PRKCQ: variants seen among roughly 807,000 people sequenced by gnomAD.
PRKCQ encodes protein kinase C theta type.
A neutral mutation model predicts 91.2 loss-of-function variants in PRKCQ; 41 were observed. The ratio of observed to expected loss-of-function variants is 0.45; its 90% CI spans 0.35 to 0.58. The LOEUF (loss-of-function observed/expected upper bound fraction) is 0.58. Ranked by LOEUF, PRKCQ falls within the 20% of genes least tolerant of loss-of-function variation. The pLI, the probability that PRKCQ is intolerant of heterozygous loss-of-function variation, is 0.00. For missense variants in PRKCQ, 673 were observed against 896.5 expected, an observed-to-expected ratio of 0.75 and a Z score of 3.18; for synonymous variants, 307 against 316.9, an observed-to-expected ratio of 0.97 and a Z score of 0.33.
intron 16 of PRKCQ, among the ~76,000 whole-genome samples, chr10:6,432,573 G>A (rs140156472): frequency 3.9e-5 from 6 of 152,228 alleles, no homozygotes; most frequent in East Asian, 3.9e-4. Context: ...GCCACTGCAC[G>A]GTGGAAATAA....
At chr10:6,467,351 GAGAGAC>G (rs1564324143) in intron 12 of PRKCQ, among the ~76,000 whole-genome samples, 81 of 130,424 alleles carry the variant, frequency 6.2e-4, no homozygotes, top group Non-Finnish European at 1.1e-3. Context: ...GAGAGAGAGA[GAGAGAC>G]AGAGAGAGAG....
intron 12 of PRKCQ, among the ~76,000 whole-genome samples, chr10:6,476,280 C>T (rs1233512825): frequency 2.7e-5 from 4 of 146,988 alleles, no homozygotes; most frequent in Non-Finnish European, 1.5e-5. Flanking sequence ...ATAGCCTTCC[C>T]CGTAAGACAT....
intron 1 of PRKCQ, among the ~76,000 whole-genome samples, chr10:6,539,781 T>A (rs1332446832): frequency 2.6e-5 from 4 of 152,176 alleles, no homozygotes; most frequent in Non-Finnish European, 4.4e-5. Flanking sequence ...CGCAGCACTC[T>A]GCATCACAAA....
chr10:6,487,069 G>A (rs1836969171), intron 8 of PRKCQ, among the ~76,000 whole-genome samples: 1 of 152,142 alleles, frequency 6.6e-6, no homozygotes. Flanking sequence ...TAGATGAGGA[G>A]GCCAACAGCA....
intron 4 of PRKCQ, among the ~76,000 whole-genome samples, chr10:6,500,988 T>C (rs1368955330): frequency 6.6e-6 from 1 of 151,590 alleles, no homozygotes; most frequent in Non-Finnish European, 1.5e-5. Context: ...GGAAAAGAAA[T>C]GGCAAAAGAG....
intron 1 of PRKCQ, among the ~76,000 whole-genome samples, chr10:6,521,157 C>T (rs905733603): frequency 6.6e-6 from 1 of 152,132 alleles, no homozygotes; most frequent in African/African-American, 2.4e-5. Context: ...CTCAACAATT[C>T]CGAGAGAAGG....
At chr10:6,519,462 C>T (rs1358093230) in intron 1 of PRKCQ, among the ~76,000 whole-genome samples, 1 of 152,162 alleles carries the variant, frequency 6.6e-6, no homozygotes, top group Non-Finnish European at 1.5e-5. Context: ...CCTACAGCTA[C>T]AGGAAAAGCC....
At chr10:6,548,733 T>TGGGATGG (rs1840066918) in intron 1 of PRKCQ, among the ~76,000 whole-genome samples, 1 of 72,622 alleles carries the variant, frequency 1.4e-5, no homozygotes, top group South Asian at 5.7e-4. Flanking sequence ...GGGACTGTTG[T>TGGGATGG]GGGGTGGGGG....
At chr10:6,518,276 T>C (rs1838852842) in intron 1 of PRKCQ, among the ~76,000 whole-genome samples, 1 of 152,164 alleles carries the variant, frequency 6.6e-6, no homozygotes, top group Admixed American at 6.5e-5. Flanking sequence ...GTAAAAAGAA[T>C]ATATATGAAA....
chr10:6,426,668 C>T (rs7910023), downstream of PRKCQ, among the ~76,000 whole-genome samples: 30,504 of 152,140 alleles, frequency 0.2, 3,224 homozygotes, highest in Non-Finnish European at 0.23. Flanking sequence ...TGTTCCAGCA[C>T]ACCTGCAGAC....
At chr10:6,488,925 G>A (rs1055163838) in intron 8 of PRKCQ, among the ~76,000 whole-genome samples, 12 of 151,758 alleles carry the variant, frequency 7.9e-5, no homozygotes, top group African/African-American at 2.2e-4. Context: ...GACCACAGGC[G>A]TGCACACCAC....
intron 1 of PRKCQ, among the ~76,000 whole-genome samples, chr10:6,553,564 T>C (rs768077554): frequency 5.3e-5 from 8 of 151,636 alleles, no homozygotes; most frequent in Non-Finnish European, 1.2e-4. Context: ...GCTATCCATC[T>C]TTTCTTCTAT....
rs1246292757 is a variant in PRKCQ, at chr10:6,472,146, AAT to A, written c.1353+6844_1353+6845del. On this transcript the variant is annotated intron_variant, in intron 12 of 17. Transcript: ENST00000263125. ...ACACGGTGAAACCCCATCTCTACTA[AAT>A]ATACAAAAAATTAGCCAGGCATGGT... 7.2e-5 allele frequency among the ~76,000 whole-genome samples: 11 copies of A among 152,218 alleles called. No individual in the cohort carries two copies. In the South Asian group the frequency reaches 1.7e-3, roughly 23 times the overall value.
At chr10:6,438,689 G>A (rs1371187618) in intron 16 of PRKCQ, among the ~76,000 whole-genome samples, 2 of 151,992 alleles carry the variant, frequency 1.3e-5, no homozygotes, top group African/African-American at 4.8e-5. Context: ...TCCACCTTGT[G>A]GGCTCAAGTG....
chr10:6,502,442 G>T (rs984546021), intron 4 of PRKCQ, among the ~76,000 whole-genome samples: 5 of 152,228 alleles, frequency 3.3e-5, no homozygotes, highest in Non-Finnish European at 7.3e-5. Context: ...GTGGGTGGGG[G>T]TCCAGCACTA....
downstream of PRKCQ, among the ~76,000 whole-genome samples, chr10:6,425,469 G>A (rs1833094281): frequency 6.6e-6 from 1 of 151,992 alleles, no homozygotes; most frequent in Non-Finnish European, 1.5e-5. Context: ...TGATCTGCCT[G>A]CCTGGGTCTC....
At chr10:6,533,556 G>A (rs1056661463) in intron 1 of PRKCQ, among the ~76,000 whole-genome samples, 2 of 152,040 alleles carry the variant, frequency 1.3e-5, no homozygotes, top group African/African-American at 4.8e-5. Context: ...CCATTACAGT[G>A]GATCACACAG....
chr10:6,507,670 G>A (rs1246176236), intron 3 of PRKCQ, among the ~76,000 whole-genome samples, 174 bp from the exon 4 acceptor site: 3 of 152,156 alleles, frequency 2.0e-5, no homozygotes, highest in East Asian at 1.9e-4. Flanking sequence ...CGTGACAATC[G>A]CCTTTCTTTT....
rs12769391 is a variant in PRKCQ, at chr10:6,552,690, C to T, written c.-10+27521G>A. Among the ~76,000 whole-genome samples, 800 of 152,234 alleles carry T rather than the reference C, an allele frequency of 5.3e-3. 1 individual carries two copies. The highest frequency in any genetic ancestry group is 0.027 in the Middle Eastern group (8 of 294). ...CTAGGTTGCTCAGGCCAGTCTCAAACTCCTGACCTCAAGTGATCCTCCTGC... is the reference window on the plus strand; with the variant it reads ...CTAGGTTGCTCAGGCCAGTCTCAAATTCCTGACCTCAAGTGATCCTCCTGC... On this transcript the variant is annotated intron_variant, in intron 1 of 17. Coordinates refer to ENST00000263125, the MANE Select transcript of PRKCQ (RefSeq NM_006257.5).
Sources: allele counts gnomAD v4.1 joint callset (sites outside exome capture counted in the v4.1 genomes callset), GRCh38; gene constraint gnomAD v4.1.1; transcripts MANE v1.5; gene names NCBI Gene and HGNC (gene_info 2026-07-23, HGNC 2026-07-21).